Variants in PCDHGB5 observed in about 807,000 individuals in gnomAD.
The protein encoded by PCDHGB5 is protocadherin gamma-B5.
In PCDHGB5, 48 loss-of-function variants were observed where a neutral mutation model predicts 62.9. The ratio of observed to expected loss-of-function variants is 0.76; its 90% CI spans 0.61 to 0.97. The LOEUF is 0.97. Among genes scored for constraint, PCDHGB5 ranks in the 50% least tolerant of loss-of-function variants. The pLI, the probability that PCDHGB5 is intolerant of heterozygous loss-of-function variation, is 0.00. For synonymous variants in PCDHGB5, 474 were observed against 511.2 expected (o/e 0.93, Z 0.98); for missense variants, 1,118 against 1,198.6 (o/e 0.93, Z 0.99).
intron 1 of PCDHGB5, chr5:141,418,140 A>C (rs1487263767): frequency 6.2e-7 from 1 of 1,613,986 alleles, no homozygotes; most frequent in African/African-American, 1.3e-5. Context: ...GACCGTGAGC[A>C]AATATGCAAA....
At position 141,431,595 on chromosome 5, in the gene PCDHGB5, A is replaced by G; in HGVS notation, c.2397+31071A>G. The G allele has an allele frequency of 6.2e-7, 1 of 1,614,218 alleles. No homozygotes were observed. The highest frequency in any genetic ancestry group is 8.5e-7 in the Non-Finnish European group (1 of 1,180,034). On this transcript the variant is annotated intron_variant, in intron 1 of 3. Transcript: ENST00000617380. The surrounding 1 kb of genome is among the most constrained non-coding windows in gnomAD (Gnocchi z 4.8). Reference sequence around the variant, plus strand: ...GAAGGAGTCAATGCGGAAGTGAGGTATTCCTTCCGGTATGTGGACGACAAG... The same window carrying G: ...GAAGGAGTCAATGCGGAAGTGAGGTGTTCCTTCCGGTATGTGGACGACAAG...
At position 141,431,119 on chromosome 5, in the gene PCDHGB5, A is replaced by C. The variant is rs147514897; in HGVS notation, c.2397+30595A>C. 1.2e-6 allele frequency: 2 copies of C among 1,614,134 alleles called. No individual in the cohort carries two copies. The highest frequency in any genetic ancestry group is 2.7e-5 in the African/African-American group (2 of 74,956). ...ATAAAGTGAAAATATATGGAGTAGA[A>C]GTAGAAGTAAGGGACATTAACGACA... On this transcript the variant is annotated intron_variant, in intron 1 of 3. Coordinates refer to ENST00000617380, the MANE Select transcript of PCDHGB5 (RefSeq NM_018925.3). The surrounding 1 kb of genome is among the most constrained non-coding windows in gnomAD (Gnocchi z 4.8).
Position 141,413,600 on chromosome 5 carries a change from T to A in PCDHGB5, c.2397+13076T>A, listed in dbSNP as rs767830855. ...GCTCCAAAATTCCAAGCAGAAAATC[T>A]AGACGTAAAAATTAATGAAAATGTC... On this transcript the variant is annotated intron_variant, in intron 1 of 3. Transcript: ENST00000617380. 2.4e-5 allele frequency: 39 copies of A among 1,613,750 alleles called. No homozygotes were observed. Among genetic ancestry groups the A allele is most frequent in the Non-Finnish European group, 3.3e-5 (39 of 1,179,908 alleles).
intron 3 of PCDHGB5, among the ~76,000 whole-genome samples, chr5:141,509,880 T>C (rs1475661741): frequency 6.6e-6 from 1 of 152,184 alleles, no homozygotes; most frequent in African/African-American, 2.4e-5. Flanking sequence ...CTGGTGGTGA[T>C]GGTGACTGAC....
chr5:141,487,258 G>A lies in PCDHGB5; in HGVS notation c.2398-7549G>A, dbSNP rs368598017. The A allele has an allele frequency of 3.7e-6, 6 of 1,614,026 alleles. No homozygotes were observed. Among genetic ancestry groups the A allele is most frequent in the Non-Finnish European group, 4.2e-6 (5 of 1,180,030 alleles). On this transcript the variant is annotated intron_variant, in intron 1 of 3. Transcript: ENST00000617380. The surrounding 1 kb of genome is among the most constrained non-coding windows in gnomAD (Gnocchi z 5.0). ...CTCGTCTAACCCTCTACTTGGCTGT[G>A]TCCCTAGTGGCAATTTGCTTTGTCT...
rs1435240793 is a variant in PCDHGB5 at position 141,402,906 on chromosome 5, CA to C, written c.2397+2383del. ...GGGTGGAAGAAAGAACCTGATGAAG[CA>C]GCGCGCACAGAGATCCTTTTGAGAA... On this transcript the variant is annotated intron_variant, in intron 1 of 3. Coordinates refer to ENST00000617380, the MANE Select transcript of PCDHGB5 (RefSeq NM_018925.3). The C allele has an allele frequency of 3.9e-6, 6 of 1,529,062 alleles. No homozygotes were observed. The African/African-American group carries it at 8.3e-5, about 21-fold the overall frequency. 94.7% of individuals were successfully genotyped at this position (1,529,062 alleles called of 1,614,324 possible). A position where few individuals can be genotyped will look rare whatever the true frequency, so the allele number is the denominator to read the frequency against.
chr5:141,431,447 G>C lies in PCDHGB5; in HGVS notation c.2397+30923G>C. ...GCGCACAGGCACCGCGCGCATCCGC[G>C]TGATGGTTCTGGATGCGAACGACAA... is the stretch of plus-strand genomic sequence containing the variant. On this transcript the variant is annotated intron_variant, in intron 1 of 3. Coordinates refer to ENST00000617380, the MANE Select transcript of PCDHGB5 (RefSeq NM_018925.3). The surrounding 1 kb of genome is among the most constrained non-coding windows in gnomAD (Gnocchi z 4.8). The C allele has an allele frequency of 6.2e-7, 1 of 1,613,792 alleles. No individual in the cohort carries two copies. Among genetic ancestry groups the C allele is most frequent in the Non-Finnish European group, 8.5e-7 (1 of 1,180,014 alleles).
At chr5:141,418,806 C>A in intron 1 of PCDHGB5, 1 of 1,613,696 alleles carries the variant, frequency 6.2e-7, no homozygotes, top group Non-Finnish European at 8.5e-7. Context: ...GAAAGATATA[C>A]GATAAACATA....
chr5:141,508,919 C>T (rs1166086266), intron 3 of PCDHGB5, among the ~76,000 whole-genome samples: 1 of 151,996 alleles, frequency 6.6e-6, no homozygotes, highest in Non-Finnish European at 1.5e-5. Context: ...GATCTGGCTT[C>T]CTTTTGGAGT....
rs1289898516 is a variant in PCDHGB5 at position 141,487,019 on chromosome 5, C to G, written c.2398-7788C>G. ...CTATCAGCTCCTGGAGGCCCCAGAT[C>G]CCAGCCTGTTTGCAGTCTCTCGATA... On this transcript the variant is annotated intron_variant, in intron 1 of 3. Transcript: ENST00000617380. The surrounding 1 kb of genome is among the most constrained non-coding windows in gnomAD (Gnocchi z 5.0). 1 of 1,614,204 alleles carries G rather than the reference C, an allele frequency of 6.2e-7. No homozygotes were observed. The highest frequency in any genetic ancestry group is 8.5e-7 in the Non-Finnish European group (1 of 1,180,042).
In PCDHGB5 at chr5:141,476,343, T is replaced by A; in HGVS notation, c.2398-18464T>A. 1 of 1,614,012 alleles carries A rather than the reference T, an allele frequency of 6.2e-7. No individual in the cohort carries two copies. The highest frequency in any genetic ancestry group is 1.3e-5 in the African/African-American group (1 of 74,984). ...GTGGTGTCTGGAGCTAGCCGAAGAT[T>A]CTTTGAGGTGAACCGGGAGACCGGA... On this transcript the variant is annotated intron_variant, in intron 1 of 3. Transcript: ENST00000617380. This position sits in a 1 kb window ranked among gnomAD's most constrained non-coding sequence, Gnocchi z 7.6.
intron 1 of PCDHGB5, among the ~76,000 whole-genome samples, chr5:141,402,580 TA>T (rs2094282125): frequency 6.6e-6 from 1 of 152,226 alleles, no homozygotes; most frequent in Admixed American, 6.5e-5. Context: ...CTCAGATATC[TA>T]AAAAATAGAT....
chr5:141,399,421 A>G lies in PCDHGB5; in HGVS notation c.1294A>G (p.Ile432Val), dbSNP rs1444290267. Residue 432 changes from isoleucine to valine, a missense_variant, in exon 1 of 4, where the codon ATA becomes GTA. By Grantham distance (29) the Ile-to-Val change is conservative. Coordinates refer to ENST00000617380, the MANE Select transcript of PCDHGB5 (RefSeq NM_018925.3). ...GGGCAAGCCGCCCCTCTCCTCCAGCATAAGCGTCATCCTACATATCAGAGA... is the reference window on the plus strand; with the variant it reads ...GGGCAAGCCGCCCCTCTCCTCCAGCGTAAGCGTCATCCTACATATCAGAGA... The part of the protein sequence containing the change: ...DRGKPPLSSS[I>V]SVILHIRDVN... 1.2e-6 allele frequency: 2 copies of G among 1,614,036 alleles called. No homozygotes were observed. Among genetic ancestry groups the G allele is most frequent in the Middle Eastern group, 1.6e-4 (1 of 6,062 alleles).
intron 1 of PCDHGB5, chr5:141,428,456 A>G (rs538022786): frequency 1.4e-5 from 5 of 358,650 alleles, no homozygotes; most frequent in South Asian, 1.1e-4. Context: ...TTTCCCAACT[A>G]CAATGAGGGA....
chr5:141,465,490 G>A (rs917234604), intron 1 of PCDHGB5, among the ~76,000 whole-genome samples: 9 of 152,170 alleles, frequency 5.9e-5, no homozygotes, highest in East Asian at 1.9e-4. Flanking sequence ...AGGAATGAGC[G>A]GGAGCATTGT....
intron 1 of PCDHGB5, chr5:141,410,466 G>A (rs536543649): frequency 6.2e-7 from 1 of 1,613,908 alleles, no homozygotes; most frequent in African/African-American, 1.3e-5. Context: ...TATAATCTGT[G>A]CATTGCACAT....
At position 141,490,440 on chromosome 5, in the gene PCDHGB5, T is replaced by C. The variant is rs560525159; in HGVS notation, c.2398-4367T>C. On this transcript the variant is annotated intron_variant, in intron 1 of 3. Transcript: ENST00000617380. This position sits in a 1 kb window ranked among gnomAD's most constrained non-coding sequence, Gnocchi z 5.4. ...ACCTGCCATTTCAGATTAAGCCTTC[T>C]GAGAACCACTACTCGCTGCTAACCA... 7 of 1,614,206 alleles carry C rather than the reference T, an allele frequency of 4.3e-6. No homozygotes were observed. Among genetic ancestry groups the C allele is most frequent in the Non-Finnish European group, 5.9e-6 (7 of 1,180,040 alleles).
intron 1 of PCDHGB5, chr5:141,403,373 A>C: frequency 6.2e-7 from 1 of 1,614,074 alleles, no homozygotes; most frequent in Non-Finnish European, 8.5e-7. Flanking sequence ...TCTGGAAGTA[A>C]AAATTAACGA....
At chr5:141,422,588 C>A in intron 1 of PCDHGB5, 1 of 1,614,056 alleles carries the variant, frequency 6.2e-7, no homozygotes, top group South Asian at 1.1e-5. Flanking sequence ...CCCGTTTTTC[C>A]TCACTCCTCT....
Sources: gnomAD v4.1 joint callset for allele counts (sites outside exome capture counted in the v4.1 genomes callset) on GRCh38, gnomAD v4.1.1 for gene constraint, Gnocchi (gnomAD v3.1) non-coding constraint, MANE v1.5 for transcripts, NCBI Gene and HGNC (gene_info 2026-07-23, HGNC 2026-07-21) for gene names.